MYO9A: variants seen among roughly 807,000 people sequenced by gnomAD.
MYO9A encodes myosin IXA.
A neutral mutation model predicts 293.3 loss-of-function variants in MYO9A; 103 were observed. That is an observed-to-expected ratio of 0.35 (90% CI 0.30 to 0.41). The LOEUF (loss-of-function observed/expected upper bound fraction) is 0.41. MYO9A is among the 10% of genes least tolerant of loss of function. The probability of loss-of-function intolerance (pLI) is 1.00; values close to 1 mark genes in which losing one functional copy is unlikely to be tolerated. For synonymous variants in MYO9A, 1,001 were observed against 1,035.7 expected (o/e 0.97, Z 0.64); for missense variants, 2,685 against 3,033.0 (o/e 0.89, Z 2.69).
intron 1 of MYO9A, among the ~76,000 whole-genome samples, chr15:72,100,649 A>G (rs2080249405): frequency 6.7e-6 from 1 of 149,014 alleles, no homozygotes; most frequent in African/African-American, 2.5e-5. Context: ...CTGCCCCGCC[A>G]CGACCCCGTC....
chr15:71,947,855 C>G (rs1022626704), intron 15 of MYO9A, among the ~76,000 whole-genome samples: 1 of 152,198 alleles, frequency 6.6e-6, no homozygotes, highest in Non-Finnish European at 1.5e-5. Context: ...AAGTTAGATT[C>G]TTCTTTTCTA....
intron 2 of MYO9A, among the ~76,000 whole-genome samples, chr15:72,043,008 G>A (rs895809422): frequency 6.6e-6 from 1 of 152,018 alleles, no homozygotes; most frequent in African/African-American, 2.4e-5. Context: ...GATCGAGGCT[G>A]CAGTGAGCTA....
chr15:71,893,160 A>G (rs1456314777), intron 26 of MYO9A: 1 of 1,282,352 alleles, frequency 7.8e-7, no homozygotes, highest in Non-Finnish European at 1.0e-6. Context: ...CTTTCTTTTT[A>G]TGGGCCGGTC....
rs769256927 is a variant in MYO9A at position 72,046,604 on chromosome 15, A to G, written c.-41T>C. The G allele has an allele frequency of 6.8e-7, 1 of 1,481,446 alleles. No homozygotes were observed. The allele number at this position is 1,481,446 out of a possible 1,614,324, so 91.8% of individuals were successfully genotyped here. On this transcript the variant is annotated 5_prime_UTR_variant, in exon 2 of 42. Transcript: ENST00000356056. ...ATCAGCATGGATAGTATATGTTCAAAGTCGTGCAAACCATTTTCTTGGTAA... is the reference window on the plus strand; with the variant it reads ...ATCAGCATGGATAGTATATGTTCAAGGTCGTGCAAACCATTTTCTTGGTAA...
intron 9 of MYO9A, among the ~76,000 whole-genome samples, chr15:71,996,743 A>C (rs2076708356): frequency 6.6e-6 from 1 of 152,044 alleles, no homozygotes; most frequent in South Asian, 2.1e-4. Context: ...ACCATTCTGC[A>C]AAGCAAATAT....
chr15:72,101,900 C>T (rs1343266838), intron 1 of MYO9A, among the ~76,000 whole-genome samples: 4 of 151,968 alleles, frequency 2.6e-5, no homozygotes, highest in Non-Finnish European at 4.4e-5. Flanking sequence ...AGCGGCCCCG[C>T]CCGGGAGGTG....
intron 15 of MYO9A, among the ~76,000 whole-genome samples, chr15:71,942,786 T>C (rs2058811244): frequency 6.6e-6 from 1 of 152,036 alleles, no homozygotes; most frequent in African/African-American, 2.4e-5. Context: ...TTGTTTCTTT[T>C]CCTTCATCAA....
chr15:71,957,631 C>T (rs1412991863), intron 14 of MYO9A, among the ~76,000 whole-genome samples: 1 of 152,034 alleles, frequency 6.6e-6, no homozygotes, highest in African/African-American at 2.4e-5. Context: ...GTCACTAGAA[C>T]GCTTCTCCCA....
chr15:72,101,658 C>A (rs2080331942), intron 1 of MYO9A, among the ~76,000 whole-genome samples: 1 of 136,138 alleles, frequency 7.3e-6, no homozygotes, highest in Admixed American at 7.3e-5. Flanking sequence ...TCAGGCCCCG[C>A]CCGGCCAGCC....
chr15:72,070,664 G>A (rs2079164050), intron 1 of MYO9A, among the ~76,000 whole-genome samples: 1 of 151,950 alleles, frequency 6.6e-6, no homozygotes, highest in African/African-American at 2.4e-5. Context: ...CACTCCAGCT[G>A]GGCAACAAAG....
At chr15:71,948,926 G>T (rs2058986218) in intron 15 of MYO9A, among the ~76,000 whole-genome samples, 1 of 119,750 alleles carries the variant, frequency 8.4e-6, no homozygotes, top group African/African-American at 3.0e-5. Flanking sequence ...TGCAAATACA[G>T]AAATTCTGGT....
Position 72,117,761 on chromosome 15 carries a change from C to A in MYO9A, c.-153G>T, listed in dbSNP as rs1187099438. 3 of 397,862 alleles carry A rather than the reference C, an allele frequency of 7.5e-6. No homozygotes were observed. The highest frequency in any genetic ancestry group is 1.3e-5 in the Non-Finnish European group (3 of 225,344). The allele number at this position is 397,862 out of a possible 1,614,324, so 24.6% of individuals were successfully genotyped here. The stretch of plus-strand genomic sequence containing the variant: ...TCCACCCTCCGCCCCAGGGTAGGAC[C>A]GGAGATGGCAGAAGAGGCCGAGGCC... On this transcript the variant is annotated 5_prime_UTR_variant, in exon 1 of 42. Coordinates refer to ENST00000356056, the MANE Select transcript of MYO9A (RefSeq NM_006901.4).
chr15:71,837,117 CA>C (rs2054975546), intron 39 of MYO9A, among the ~76,000 whole-genome samples: 1 of 152,102 alleles, frequency 6.6e-6, no homozygotes, highest in African/African-American at 2.4e-5. Flanking sequence ...TTTAAACTGA[CA>C]AATTTCTGAG....
At chr15:71,900,331 G>A (rs2143420772) in intron 23 of MYO9A, among the ~76,000 whole-genome samples, 1 of 148,752 alleles carries the variant, frequency 6.7e-6, no homozygotes, top group Non-Finnish European at 1.5e-5. Context: ...AGCTACTCAG[G>A]AGGCTGAGGC....
intron 18 of MYO9A, among the ~76,000 whole-genome samples, chr15:71,927,457 G>A (rs530237467): frequency 9.9e-5 from 15 of 152,164 alleles, no homozygotes; most frequent in African/African-American, 3.6e-4. Context: ...AGTTTTCCCC[G>A]TATGTTTTAT....
Position 71,825,580 on chromosome 15 carries a change from A to C in MYO9A, c.*1000T>G, listed in dbSNP as rs997932895. The C allele has an allele frequency of 6.6e-6, 1 of 152,142 alleles. No individual in the cohort carries two copies. Among genetic ancestry groups the C allele is most frequent in the Non-Finnish European group, 1.5e-5 (1 of 68,016 alleles). The allele number at this position is 152,142 out of a possible 1,614,324, so 9.4% of individuals were successfully genotyped here. A position where few individuals can be genotyped will look rare whatever the true frequency, so the allele number is the denominator to read the frequency against. The stretch of plus-strand genomic sequence containing the variant: ...CAATATTGTATGTGAATGTTTTTGG[A>C]AACTAACTAAACGGTCACATTATTT... On this transcript the variant is annotated 3_prime_UTR_variant, in exon 42 of 42. Transcript: ENST00000356056.
chr15:71,928,057 T>TATATTATTATTATTA (rs1491302118), intron 18 of MYO9A, among the ~76,000 whole-genome samples: 1 of 4,508 alleles, frequency 2.2e-4, no homozygotes, highest in African/African-American at 5.2e-4. Flanking sequence ...TATATATATA[T>TATATTATTATTATTA]TTTTTTTTTT....
At chr15:72,111,563 TA>T (rs2080781391) in intron 1 of MYO9A, among the ~76,000 whole-genome samples, 1 of 151,778 alleles carries the variant, frequency 6.6e-6, no homozygotes, top group Non-Finnish European at 1.5e-5. Context: ...ACTGAGTACC[TA>T]CTATATGCTT....
intron 1 of MYO9A, among the ~76,000 whole-genome samples, chr15:72,069,157 A>G: frequency 6.6e-6 from 1 of 152,198 alleles, no homozygotes; most frequent in East Asian, 1.9e-4. Context: ...ACAAGCTCTT[A>G]GGTAGCAAAG....
Sources: allele counts gnomAD v4.1 joint callset (sites outside exome capture counted in the v4.1 genomes callset), GRCh38; gene constraint gnomAD v4.1.1; transcripts MANE v1.5; gene names NCBI Gene and HGNC (gene_info 2026-07-23, HGNC 2026-07-21).